TCF7L1: variants seen among roughly 807,000 people sequenced by gnomAD.
TCF7L1 encodes transcription factor 7 like 1, also known as transcription factor 7-like 1.
TCF7L1 carries 18 observed loss-of-function variants against 63.7 expected under a neutral mutation model. The ratio of observed to expected loss-of-function variants is 0.28; its 90% CI spans 0.20 to 0.42. The LOEUF (loss-of-function observed/expected upper bound fraction) is 0.42. Among genes scored for constraint, TCF7L1 ranks in the 10% least tolerant of loss-of-function variants. The pLI is 1.00. For missense variants in TCF7L1, 654 were observed against 779.3 expected, an observed-to-expected ratio of 0.84 and a Z score of 1.91; for synonymous variants, 355 against 340.9, an observed-to-expected ratio of 1.04 and a Z score of -0.46.
At chr2:85,302,001 G>A (rs1449423700) in intron 4 of TCF7L1, among the ~76,000 whole-genome samples, 1 of 152,020 alleles carries the variant, frequency 6.6e-6, no homozygotes, top group Non-Finnish European at 1.5e-5. Flanking sequence ...GATGGCAGAC[G>A]CCTGTAATCC....
At chr2:85,297,442 G>A (rs1414550352) in intron 4 of TCF7L1, among the ~76,000 whole-genome samples, 1 of 152,198 alleles carries the variant, frequency 6.6e-6, no homozygotes, top group East Asian at 1.9e-4. Flanking sequence ...CACGTGCTAT[G>A]CCAGGCATAC....
chr2:85,182,234 C>T (rs1317871950), intron 3 of TCF7L1, among the ~76,000 whole-genome samples: 1 of 152,176 alleles, frequency 6.6e-6, no homozygotes, highest in Admixed American at 6.5e-5. Flanking sequence ...TGATCTGGGG[C>T]ACGGTCTGTT....
chr2:85,259,880 C>A (rs1199517363), intron 3 of TCF7L1, among the ~76,000 whole-genome samples: 1 of 152,056 alleles, frequency 6.6e-6, no homozygotes, highest in Non-Finnish European at 1.5e-5. Context: ...CTGGCTGGAC[C>A]CTGCAGAAGC....
chr2:85,246,793 A>G (rs1233144861), intron 3 of TCF7L1, among the ~76,000 whole-genome samples: 1 of 152,196 alleles, frequency 6.6e-6, no homozygotes, highest in Non-Finnish European at 1.5e-5. Flanking sequence ...GAAATCATGC[A>G]GTCTAGTCAT....
intron 3 of TCF7L1, among the ~76,000 whole-genome samples, chr2:85,242,529 G>T (rs912486584): frequency 6.6e-6 from 1 of 152,172 alleles, no homozygotes; most frequent in African/African-American, 2.4e-5. Flanking sequence ...CGCTGCACCC[G>T]GCTGTGCCCG....
At chr2:85,178,965 G>C (rs960511348) in intron 3 of TCF7L1, among the ~76,000 whole-genome samples, 3 of 152,172 alleles carry the variant, frequency 2.0e-5, no homozygotes, top group Non-Finnish European at 4.4e-5. Context: ...AAAGGGGCTG[G>C]TTAACCTGAG....
At chr2:85,189,199 C>A (rs1319663528) in intron 3 of TCF7L1, among the ~76,000 whole-genome samples, 1 of 152,116 alleles carries the variant, frequency 6.6e-6, no homozygotes, top group Non-Finnish European at 1.5e-5. Context: ...ATACAAGTGT[C>A]GCTTCGGGGA....
chr2:85,304,085 C>G, intron 6 of TCF7L1, 88 bp downstream of exon 6: 1 of 1,227,896 alleles, frequency 8.1e-7, no homozygotes, highest in Non-Finnish European at 1.2e-6. Context: ...CAGTGGAGCC[C>G]CCTCAGAGGC....
At chr2:85,285,329 G>A (rs1256334562) in intron 4 of TCF7L1, among the ~76,000 whole-genome samples, 1 of 152,232 alleles carries the variant, frequency 6.6e-6, no homozygotes, top group Non-Finnish European at 1.5e-5. Context: ...TAAGGGTGCA[G>A]GGAGCCTGTA....
intron 3 of TCF7L1, among the ~76,000 whole-genome samples, chr2:85,216,043 T>G (rs1679698846): frequency 6.6e-6 from 1 of 152,004 alleles, no homozygotes; most frequent in Non-Finnish European, 1.5e-5. Flanking sequence ...TTTCTCCTCT[T>G]GTGGTGATGC....
At chr2:85,275,751 T>A (rs1457324460) in intron 3 of TCF7L1, among the ~76,000 whole-genome samples, 1 of 151,976 alleles carries the variant, frequency 6.6e-6, no homozygotes, top group Non-Finnish European at 1.5e-5. Flanking sequence ...AAATCCTGTC[T>A]CTACCAAAAC....
intron 3 of TCF7L1, chr2:85,217,267 T>C (rs1679731619): frequency 1.3e-5 from 2 of 152,218 alleles, no homozygotes; most frequent in South Asian, 4.1e-4. Flanking sequence ...ACGAGGTAGA[T>C]AAGATTGAAG....
At chr2:85,307,918 G>T (rs921593997) in intron 11 of TCF7L1, among the ~76,000 whole-genome samples, 10 of 152,178 alleles carry the variant, frequency 6.6e-5, no homozygotes, top group African/African-American at 2.4e-4. Flanking sequence ...CTTCAGTGGT[G>T]GTGGTAGGAT....
intron 3 of TCF7L1, among the ~76,000 whole-genome samples, chr2:85,230,866 C>T (rs541301812): frequency 1.2e-3 from 177 of 152,286 alleles, no homozygotes; most frequent in African/African-American, 4.0e-3. Context: ...GAGGAAAAGC[C>T]TGAGGGGATG....
chr2:85,200,876 C>T (rs1012085561), intron 3 of TCF7L1, among the ~76,000 whole-genome samples: 9 of 152,066 alleles, frequency 5.9e-5, no homozygotes, highest in Non-Finnish European at 1.2e-4. Flanking sequence ...CTTGAGTTCA[C>T]GGCAATAGCA....
chr2:85,295,039 A>AT (rs61518420), intron 4 of TCF7L1, among the ~76,000 whole-genome samples: 1 of 151,930 alleles, frequency 6.6e-6, no homozygotes, highest in Admixed American at 6.6e-5. Context: ...GAAAAAAAAA[A>AT]TTTTTTTAAA....
At chr2:85,283,273 C>CCCCG (rs35750715) in intron 3 of TCF7L1, among the ~76,000 whole-genome samples, 4 of 151,050 alleles carry the variant, frequency 2.6e-5, no homozygotes, top group African/African-American at 9.8e-5. Flanking sequence ...TGTCCCCCCC[C>CCCCG]CCAAAATGAC....
intron 3 of TCF7L1, among the ~76,000 whole-genome samples, chr2:85,136,600 T>G (rs1677600467): frequency 6.6e-6 from 1 of 152,166 alleles, no homozygotes; most frequent in Admixed American, 6.5e-5. Flanking sequence ...GTATGTCCCA[T>G]CCCACCCCCA....
At chr2:85,216,018 G>A (rs970512784) in intron 3 of TCF7L1, among the ~76,000 whole-genome samples, 5 of 152,198 alleles carry the variant, frequency 3.3e-5, no homozygotes, top group Non-Finnish European at 5.9e-5. Context: ...GGCGCTGGGC[G>A]GGGGACAATC....
Sources: gnomAD v4.1 joint callset for allele counts (sites outside exome capture counted in the v4.1 genomes callset) on GRCh38, gnomAD v4.1.1 for gene constraint, MANE v1.5 for transcripts, NCBI Gene and HGNC (gene_info 2026-07-23, HGNC 2026-07-21) for gene names.